MYO5B: variants seen among roughly 807,000 people sequenced by gnomAD.
MYO5B encodes the protein unconventional myosin-Vb.
A neutral mutation model predicts 229.3 loss-of-function variants in MYO5B; 143 were observed. The observed-to-expected ratio is 0.62, with a 90% confidence interval of 0.54 to 0.72. The LOEUF (loss-of-function observed/expected upper bound fraction) is 0.72. MYO5B is among the 30% of genes least tolerant of loss of function. MYO5B has a pLI of 0.00. For synonymous variants in MYO5B, 918 were observed against 885.2 expected, an observed-to-expected ratio of 1.04 and a Z score of -0.66; for missense variants, 2,321 against 2,331.0, an observed-to-expected ratio of 1.00 and a Z score of 0.09.
chr18:50,105,240 TAAATAAATA>T (rs1437576175), intron 1 of MYO5B, among the ~76,000 whole-genome samples: 26 of 145,116 alleles, frequency 1.8e-4, no homozygotes, highest in Admixed American at 5.4e-4. Context: ...AATAAATAAA[TAAATAAATA>T]AAAAATAGAT....
At chr18:50,053,751 G>A (rs888526798) in intron 2 of MYO5B, among the ~76,000 whole-genome samples, 2 of 152,118 alleles carry the variant, frequency 1.3e-5, no homozygotes, top group Non-Finnish European at 2.9e-5. Context: ...AGAAGTTAGT[G>A]GTAGGATGTT....
At chr18:50,038,192 C>T (rs1486069847) in intron 3 of MYO5B, among the ~76,000 whole-genome samples, 1 of 152,176 alleles carries the variant, frequency 6.6e-6, no homozygotes, top group African/African-American at 2.4e-5. Flanking sequence ...CATAAGGTCA[C>T]ATTCTGGATG....
rs775207600 is a variant in MYO5B, at chr18:50,001,270, G to A, written c.597C>T (p.Ser199=). 3.1e-6 allele frequency: 5 copies of A among 1,614,202 alleles called. No individual in the cohort carries two copies. The South Asian group carries it at 3.3e-5, about 11-fold the overall frequency. ...AAGGCTTTACCTCCATGATGGGACT[G>A]GATGCCAGCACCTTCTCTTCGATGT... The part of the protein sequence containing the change: ...ETNIEEKVLA[S]SPIMEAIGNA... Residue 199 remains serine (S), a synonymous_variant, in exon 5 of 40, where the codon TCC becomes TCT. Transcript: ENST00000285039.
rs199774365 is a variant in MYO5B at position 49,937,365 on chromosome 18, G to T, written c.1785C>A (p.Asp595Glu). 4.2e-4 allele frequency: 677 copies of T among 1,614,136 alleles called. No homozygotes were observed. The highest frequency in any genetic ancestry group is 5.4e-4 in the Non-Finnish European group (642 of 1,179,976). ...GGGTGGTGGCAGGAACAGGGTCCTT[G>T]TCATCATGAAACAAGTCAGCCACTA... ...FPLVADLFHD[D>E]KDPVPATTPG... The change falls in exon 15 of 40, where the codon GAC becomes GAA. Residue 595 changes from aspartate to glutamate, a missense_variant. By Grantham distance (45) the Asp-to-Glu change is conservative. This residue lies in a region of MYO5B where 2,113 missense variants were observed against 2,044.7 expected (regional missense o/e 1.03). Transcript: ENST00000285039.
chr18:49,994,362 G>T (rs140601020), intron 5 of MYO5B, among the ~76,000 whole-genome samples: 1 of 152,250 alleles, frequency 6.6e-6, no homozygotes, highest in Non-Finnish European at 1.5e-5. Context: ...CTTGTGAAAT[G>T]TAAGTATTGG....
intron 22 of MYO5B, among the ~76,000 whole-genome samples, chr18:49,885,539 T>C (rs1452220075): frequency 6.6e-6 from 1 of 152,180 alleles, no homozygotes; most frequent in Non-Finnish European, 1.5e-5. Context: ...CCTAAATTGA[T>C]ATGGTTTGGA....
intron 4 of MYO5B, among the ~76,000 whole-genome samples, chr18:50,008,265 A>G (rs2026124192): frequency 6.6e-6 from 1 of 152,152 alleles, no homozygotes; most frequent in Non-Finnish European, 1.5e-5. Context: ...ACAGTGTACT[A>G]ACATTTTCCT....
intron 18 of MYO5B, among the ~76,000 whole-genome samples, chr18:49,908,990 C>T (rs556220404): frequency 2.4e-4 from 36 of 152,348 alleles, no homozygotes; most frequent in Non-Finnish European, 2.5e-4. Context: ...AAGCAGCCCC[C>T]AGCCCCAGGC....
intron 13 of MYO5B, 25 bp from the exon 14 acceptor site, chr18:49,953,368 G>A (rs1568045128): frequency 6.2e-7 from 1 of 1,604,764 alleles, no homozygotes; most frequent in South Asian, 1.1e-5. Flanking sequence ...ACCAGAGAGA[G>A]ACACAGTCGT....
chr18:49,837,302 G>A (rs1782253398), intron 37 of MYO5B, among the ~76,000 whole-genome samples: 1 of 152,140 alleles, frequency 6.6e-6, no homozygotes, highest in Non-Finnish European at 1.5e-5. Context: ...TTTAAGCTTT[G>A]AACTAATTTG....
intron 1 of MYO5B, among the ~76,000 whole-genome samples, chr18:50,124,618 T>G (rs1285068194): frequency 6.6e-6 from 1 of 152,126 alleles, no homozygotes; most frequent in African/African-American, 2.4e-5. Context: ...AGGAAAGACA[T>G]GTATAGCCTG....
At position 49,963,017 on chromosome 18, in the gene MYO5B, C is replaced by A. The variant is rs1174405995; in HGVS notation, c.1336G>T (p.Glu446Ter). Residue 446 changes from glutamate to a stop codon, truncating the protein, a stop_gained, in exon 11 of 40, where the codon GAG (glutamate) becomes TAG (stop). Coordinates refer to ENST00000285039, the MANE Select transcript of MYO5B (RefSeq NM_001080467.3). LOFTEE classifies it high-confidence loss of function. ...VLDIYGFETF[E>*]VNSFEQFCIN... ...CAGAACTGCTCAAAGCTGTTTACCTCAAATGTCTCAAACCTACAGAATGGA... is the reference window on the plus strand; with the variant it reads ...CAGAACTGCTCAAAGCTGTTTACCTAAAATGTCTCAAACCTACAGAATGGA... 6.2e-7 allele frequency: 1 copy of A among 1,613,790 alleles called. No individual in the cohort carries two copies. Among genetic ancestry groups the A allele is most frequent in the Non-Finnish European group, 8.5e-7 (1 of 1,179,728 alleles).
intron 14 of MYO5B, among the ~76,000 whole-genome samples, chr18:49,939,264 G>A (rs534637495): frequency 2.0e-5 from 3 of 149,252 alleles, no homozygotes; most frequent in African/African-American, 4.9e-5. Context: ...TCCTGCCTCA[G>A]TGTCCCCAGT....
chr18:50,102,189 G>T lies in MYO5B; in HGVS notation c.28-46811C>A, dbSNP rs770550136. ...CCACTTATTCTCACTCATAAGTGGG[G>T]GTTGAACAACTAGAACAGATGGACA... On this transcript the variant is annotated intron_variant, in intron 1 of 39. Transcript: ENST00000285039. 2.0e-5 allele frequency among the ~76,000 whole-genome samples: 3 copies of T among 152,056 alleles called. No individual in the cohort carries two copies. In the South Asian group the frequency reaches 6.2e-4, roughly 32 times the overall value.
At chr18:50,004,831 C>T (rs972846918) in intron 4 of MYO5B, among the ~76,000 whole-genome samples, 4 of 152,188 alleles carry the variant, frequency 2.6e-5, no homozygotes, top group South Asian at 2.1e-4. Flanking sequence ...CAAAGTGCAG[C>T]GTGCAGCAGC....
chr18:50,027,768 C>T (rs561214433), intron 4 of MYO5B, among the ~76,000 whole-genome samples: 5 of 152,164 alleles, frequency 3.3e-5, no homozygotes, highest in African/African-American at 1.2e-4. Context: ...ACAACAGACT[C>T]GTTACATCTG....
chr18:50,105,204 A>AAAATAAATAAAT (rs149697050), intron 1 of MYO5B, among the ~76,000 whole-genome samples: 1,709 of 139,086 alleles, frequency 0.012, 26 homozygotes, highest in African/African-American at 0.036. Context: ...AGGCATGGTA[A>AAAATAAATAAAT]AAATAAATAA....
At chr18:49,947,616 T>A (rs1410147891) in intron 14 of MYO5B, among the ~76,000 whole-genome samples, 2 of 152,208 alleles carry the variant, frequency 1.3e-5, no homozygotes, top group African/African-American at 2.4e-5. Flanking sequence ...AGTCTGTTTA[T>A]AAGCTGACTG....
chr18:49,959,413 AC>A (rs1384609417), intron 12 of MYO5B, among the ~76,000 whole-genome samples: 1 of 152,090 alleles, frequency 6.6e-6, no homozygotes, highest in African/African-American at 2.4e-5. Flanking sequence ...AGACAAGGAA[AC>A]CTTTGGGGCC....
Sources: allele counts gnomAD v4.1 joint callset (sites outside exome capture counted in the v4.1 genomes callset), GRCh38; gene constraint gnomAD v4.1.1; regional missense constraint gnomAD v4.1.1; transcripts MANE v1.5; gene names NCBI Gene and HGNC (gene_info 2026-07-23, HGNC 2026-07-21).